PPP6R1: variants seen among roughly 807,000 people sequenced by gnomAD.
PPP6R1 encodes serine/threonine-protein phosphatase 6 regulatory subunit 1.
Under a neutral mutation model 104.6 loss-of-function variants are expected in PPP6R1, and 39 were observed. The observed-to-expected ratio is 0.37, with a 90% CI of 0.29 to 0.49. PPP6R1 has a LOEUF of 0.49. PPP6R1 is among the 20% of genes least tolerant of loss of function. PPP6R1 has a pLI of 0.98. For synonymous variants in PPP6R1, 549 were observed against 479.0 expected (o/e 1.15, Z -1.91); for missense variants, 1,181 against 1,155.8 (o/e 1.02, Z -0.32).
chr19:55,228,524 A>T, downstream of PPP6R1: 1 of 1,562,392 alleles, frequency 6.4e-7, no homozygotes, highest in Non-Finnish European at 8.6e-7. Flanking sequence ...TCCCACCCCC[A>T]CCTGGGACCC....
intron 22 of PPP6R1, 35 bp downstream of exon 22, chr19:55,230,739 C>CA: frequency 6.9e-7 from 1 of 1,457,438 alleles, no homozygotes. Context: ...ACCAGCCCCA[C>CA]CCCCACCCCC....
chr19:55,254,906 C>G (rs1483068821), intron 1 of PPP6R1, among the ~76,000 whole-genome samples: 1 of 152,264 alleles, frequency 6.6e-6, no homozygotes, highest in Non-Finnish European at 1.5e-5. Flanking sequence ...AATGGCAACC[C>G]CACCACCTCT....
Position 55,232,325 on chromosome 19 carries a change from G to C in PPP6R1, c.1989-114C>G, listed in dbSNP as rs1028444446. ...GAGAGCGGGCTGGGATGACAGGCAG[G>C]TCACAGAAGGGTCCAGGGAGCCTGG... On this transcript the variant is annotated intron_variant, in intron 17 of 23. Coordinates refer to ENST00000412770, the MANE Select transcript of PPP6R1 (RefSeq NM_014931.4). 5.6e-6 allele frequency: 8 copies of C among 1,431,118 alleles called. No individual in the cohort carries two copies. In the South Asian group the frequency reaches 1.0e-4, roughly 18 times the overall value. 88.7% of individuals were successfully genotyped at this position (1,431,118 alleles called of 1,614,324 possible).
At chr19:55,254,788 G>A (rs982205678) in intron 1 of PPP6R1, among the ~76,000 whole-genome samples, 1 of 152,194 alleles carries the variant, frequency 6.6e-6, no homozygotes, top group Non-Finnish European at 1.5e-5. Context: ...CCCAGAGTCC[G>A]GAGGACAGCA....
rs1487243618 is a variant in PPP6R1 at position 55,239,519 on chromosome 19, G to A, written c.1654-17C>T. On this transcript the variant is annotated splice_polypyrimidine_tract_variant and intron_variant, in intron 14 of 23. Transcript: ENST00000412770. ...CATGAAGGCCTGTGGGGGTGCGGAG[G>A]TTAGGGCTGGAGGGAGTTGGGCAGG... 1.9e-6 allele frequency: 3 copies of A among 1,613,378 alleles called. No homozygotes were observed. Among genetic ancestry groups the A allele is most frequent in the Non-Finnish European group, 2.5e-6 (3 of 1,179,504 alleles).
chr19:55,246,771 T>A, intron 2 of PPP6R1, 106 bp downstream of exon 2: 5 of 1,098,726 alleles, frequency 4.6e-6, no homozygotes, highest in Non-Finnish European at 6.4e-6. Flanking sequence ...ATCCCCAAAC[T>A]GGAGTTTACT....
In PPP6R1 at chr19:55,242,284, G is replaced by T. The variant is rs766959382; in HGVS notation, c.732-5C>A. 3 of 1,613,554 alleles carry T rather than the reference G, an allele frequency of 1.9e-6. No homozygotes were observed. Among genetic ancestry groups the T allele is most frequent in the South Asian group, 2.2e-5 (2 of 91,076 alleles). On this transcript the variant is annotated splice_region_variant and splice_polypyrimidine_tract_variant and intron_variant, in intron 6 of 23. Coordinates refer to ENST00000412770, the MANE Select transcript of PPP6R1 (RefSeq NM_014931.4). ...AGCTGCTCAATCGTCTCCTGCCTGC[G>T]GGGGCAGGGGCAGGGGTCAGGGTGA...
At chr19:55,249,786 G>A (rs2087539062) in intron 1 of PPP6R1, among the ~76,000 whole-genome samples, 1 of 152,064 alleles carries the variant, frequency 6.6e-6, no homozygotes, top group Non-Finnish European at 1.5e-5. Flanking sequence ...GTTGCAGTGA[G>A]TCGAGATTGC....
rs7507792 is a variant in PPP6R1, at chr19:55,242,168, C to T, written c.843G>A (p.Pro281=). 787 of 1,612,330 alleles carry T rather than the reference C, an allele frequency of 4.9e-4. No homozygotes were observed. Among genetic ancestry groups the T allele is most frequent in the Non-Finnish European group, 6.1e-4 (718 of 1,179,590 alleles). ...VLLTLLEPRR[P]RSESVTVNSF... Reference sequence around the variant, plus strand: ...GGTCTGTGGCCCGTATCCCTCACCTCGGCCTCCTGGGCTCCAGCAGGGTCA... The same window carrying T: ...GGTCTGTGGCCCGTATCCCTCACCTTGGCCTCCTGGGCTCCAGCAGGGTCA... The change falls in exon 7 of 24, where the codon CCG becomes CCA. Residue 281 remains proline (P), a splice_region_variant and synonymous_variant. Transcript: ENST00000412770.
rs200713344 is a variant in PPP6R1, at chr19:55,231,534, C to T, written c.2378-43G>A. On this transcript the variant is annotated intron_variant, in intron 20 of 23. Transcript: ENST00000412770. ...TCTCAGCTGCAGCTCCCAGCAAGCT[C>T]GGAGCTGGCCAGGCTGCTCTCTCTG... 182 of 1,596,144 alleles carry T rather than the reference C, an allele frequency of 1.1e-4. No individual in the cohort carries two copies. The East Asian group carries it at 3.3e-3, about 29-fold the overall frequency.
rs1949007196 is a variant in PPP6R1 at position 55,245,026 on chromosome 19, C to T, written c.618+94G>A. 6.6e-7 allele frequency: 1 copy of T among 1,525,886 alleles called. No homozygotes were observed. The highest frequency in any genetic ancestry group is 1.9e-5 in the Admixed American group (1 of 51,566). 94.5% of individuals were successfully genotyped at this position (1,525,886 alleles called of 1,614,324 possible). A position where few individuals can be genotyped will look rare whatever the true frequency, so the allele number is the denominator to read the frequency against. On this transcript the variant is annotated intron_variant, in intron 5 of 23. Transcript: ENST00000412770. This position sits in a 1 kb window ranked among gnomAD's most constrained non-coding sequence, Gnocchi z 6.4. ...GTGCTGGAATTACAGGCGTGAGCCACTGCGTCCAGCCCCAATTCCTCTTTT... is the reference window on the plus strand; with the variant it reads ...GTGCTGGAATTACAGGCGTGAGCCATTGCGTCCAGCCCCAATTCCTCTTTT...
chr19:55,241,750 A>C lies in PPP6R1; in HGVS notation c.846-111T>G. On this transcript the variant is annotated intron_variant, in intron 7 of 23. Transcript: ENST00000412770. The surrounding 1 kb of genome is among the most constrained non-coding windows in gnomAD (Gnocchi z 5.4). Reference sequence around the variant, plus strand: ...GGTCTGGAGGAAAACGAGGAGCCACATGCCCCCAGCGCCGCTCTCTTCTGA... The same window carrying C: ...GGTCTGGAGGAAAACGAGGAGCCACCTGCCCCCAGCGCCGCTCTCTTCTGA... 1 of 1,293,778 alleles carries C rather than the reference A, an allele frequency of 7.7e-7. No homozygotes were observed. The highest frequency in any genetic ancestry group is 1.0e-6 in the Non-Finnish European group (1 of 958,282). The allele number at this position is 1,293,778 out of a possible 1,614,324, so 80.1% of individuals were successfully genotyped here.
In PPP6R1 at chr19:55,249,877, G is replaced by A. The variant is rs1675452366; in HGVS notation, c.-6-2768C>T. ...AAATCCTTTTAAAGCACAAACATGA[G>A]TACCCGCACCTGCTCGGTGATGTGC... is the stretch of plus-strand genomic sequence containing the variant. On this transcript the variant is annotated intron_variant, in intron 1 of 23. Coordinates refer to ENST00000412770, the MANE Select transcript of PPP6R1 (RefSeq NM_014931.4). Among the ~76,000 whole-genome samples the A allele has an allele frequency of 2.0e-5, 3 of 151,990 alleles. No individual in the cohort carries two copies. In the South Asian group the frequency reaches 6.2e-4, roughly 31 times the overall value.
At chr19:55,243,404 C>CAAAAAAA (rs58375899) in intron 5 of PPP6R1, among the ~76,000 whole-genome samples, 1,104 of 49,060 alleles carry the variant, frequency 0.023, 30 homozygotes, top group African/African-American at 0.074. Flanking sequence ...GACTCCATCT[C>CAAAAAAA]AAAAAAAAAA....
chr19:55,231,500 G>T lies in PPP6R1; in HGVS notation c.2378-9C>A, dbSNP rs766848213. ...CAAGGCCTGGCAAGGGGCTGTGGGG[G>T]ATAAGAGATCTCAGCTGCAGCTCCC... On this transcript the variant is annotated splice_polypyrimidine_tract_variant and intron_variant, in intron 20 of 23. Coordinates refer to ENST00000412770, the MANE Select transcript of PPP6R1 (RefSeq NM_014931.4). The T allele has an allele frequency of 6.2e-7, 1 of 1,604,092 alleles. No individual in the cohort carries two copies. Among genetic ancestry groups the T allele is most frequent in the African/African-American group, 1.3e-5 (1 of 74,834 alleles).
chr19:55,253,146 T>G (rs2087566527), intron 1 of PPP6R1, among the ~76,000 whole-genome samples: 1 of 152,216 alleles, frequency 6.6e-6, no homozygotes, highest in African/African-American at 2.4e-5. Flanking sequence ...AGCCAGCATC[T>G]GTAGAAAATC....
In PPP6R1 at chr19:55,231,658, G is replaced by A. The variant is rs1257727270; in HGVS notation, c.2317C>T (p.Pro773Ser). 6.2e-7 allele frequency: 1 copy of A among 1,608,094 alleles called. No homozygotes were observed. The highest frequency in any genetic ancestry group is 1.1e-5 in the South Asian group (1 of 90,150). Reference sequence around the variant, plus strand: ...TCCTGAGGTGCTGAGGGGGGTGTGGGGTCCTGAGACCTGGTAGGCGAGAGA... The same window carrying A: ...TCCTGAGGTGCTGAGGGGGGTGTGGAGTCCTGAGACCTGGTAGGCGAGAGA... The part of the protein sequence containing the change: ...RDALQLRSQD[P>S]TPPSAPQEAT... Residue 773 changes from proline to serine, a missense_variant, in exon 20 of 24, where the codon CCC becomes TCC. Pro to Ser is a moderately conservative substitution (Grantham distance 74, BLOSUM62 -1). Transcript: ENST00000412770.
intron 10 of PPP6R1, 46 bp from the exon 11 acceptor site, chr19:55,240,346 CAT>C (rs1491501185): frequency 0.049 from 76,466 of 1,546,642 alleles, 2,130 homozygotes; most frequent in Non-Finnish European, 0.057. Flanking sequence ...GGTCTGCACA[CAT>C]GTGGGGAGCT....
intron 1 of PPP6R1, among the ~76,000 whole-genome samples, chr19:55,256,739 G>A (rs2087596384): frequency 6.6e-6 from 1 of 152,224 alleles, no homozygotes. Flanking sequence ...TGTAGTCCTA[G>A]CTACTTAGGA....
Sources: allele counts gnomAD v4.1 joint callset (sites outside exome capture counted in the v4.1 genomes callset), GRCh38; gene constraint gnomAD v4.1.1; non-coding constraint Gnocchi (gnomAD v3.1); transcripts MANE v1.5; gene names NCBI Gene and HGNC (gene_info 2026-07-23, HGNC 2026-07-21).